The following FTCDNL1 variants were observed in gnomAD, a reference collection of about 807,000 sequenced individuals.
FTCDNL1 encodes the protein formiminotransferase N-terminal subdomain-containing protein.
A neutral mutation model predicts 5.9 loss-of-function variants in FTCDNL1; 11 were observed. That is an observed-to-expected ratio of 1.87 (90% CI 1.18 to 3.10). The LOEUF (loss-of-function observed/expected upper bound fraction) is 3.10, where lower values mean the gene tolerates loss of function less well. FTCDNL1 is among the 30% of genes most tolerant of loss of function. The pLI, the probability that FTCDNL1 is intolerant of heterozygous loss-of-function variation, is 0.00. For missense variants in FTCDNL1, 115 were observed against 65.5 expected (o/e 1.76, Z -2.61); for synonymous variants, 58 against 24.8 (o/e 2.34, Z -3.99).
chr2:199,747,298 C>A, the FTCDNL1 span, among the ~76,000 whole-genome samples: 1 of 152,112 alleles, frequency 6.6e-6, no homozygotes, highest in Non-Finnish European at 1.5e-5. Context: ...CTTCCCCACC[C>A]CAGGTCAGAT....
chr2:199,755,304 T>A, the FTCDNL1 span, among the ~76,000 whole-genome samples: 1 of 152,200 alleles, frequency 6.6e-6, no homozygotes, highest in African/African-American at 2.4e-5. Flanking sequence ...ACCTCACTAT[T>A]AAGCTACCCA....
chr2:199,665,073 T>C, the FTCDNL1 span, among the ~76,000 whole-genome samples: 120 of 152,376 alleles, frequency 7.9e-4, no homozygotes, highest in African/African-American at 2.6e-3. Context: ...TTATGTTAAC[T>C]GATAAGAATA....
the FTCDNL1 span, among the ~76,000 whole-genome samples, chr2:199,688,571 G>A: frequency 6.6e-6 from 1 of 152,132 alleles, no homozygotes; most frequent in Admixed American, 6.5e-5. Context: ...CAGTTCACAG[G>A]GAAAAGTGGA....
chr2:199,849,052 T>C (rs1262237776), intron 1 of FTCDNL1, 83 bp from the exon 2 acceptor site: 1 of 648,944 alleles, frequency 1.5e-6, no homozygotes, highest in Non-Finnish European at 2.7e-6. Context: ...CATAACTTTT[T>C]GGAAACGAAG....
the FTCDNL1 span, among the ~76,000 whole-genome samples, chr2:199,721,860 A>G: frequency 2.6e-5 from 4 of 152,182 alleles, no homozygotes; most frequent in Non-Finnish European, 5.9e-5. Context: ...TTTGATTTGC[A>G]TTTCAATATC....
At chr2:199,784,031 C>T (rs1319757212) in intron 3 of FTCDNL1, among the ~76,000 whole-genome samples, 1 of 152,118 alleles carries the variant, frequency 6.6e-6, no homozygotes, top group African/African-American at 2.4e-5. Flanking sequence ...AGGCCCTAAC[C>T]TCAGGGTAGC....
intron 3 of FTCDNL1, among the ~76,000 whole-genome samples, chr2:199,821,944 C>A (rs889665143): frequency 2.0e-5 from 3 of 152,028 alleles, no homozygotes; most frequent in Non-Finnish European, 2.9e-5. Context: ...GATTCCAGAC[C>A]ACAGCAATAA....
chr2:199,733,060 T>C, the FTCDNL1 span, among the ~76,000 whole-genome samples: 24 of 152,096 alleles, frequency 1.6e-4, no homozygotes, highest in Admixed American at 2.6e-4. Context: ...AGCTGACAGG[T>C]ACAGACTATT....
the FTCDNL1 span, among the ~76,000 whole-genome samples, chr2:199,723,811 T>A: frequency 3.3e-5 from 5 of 152,314 alleles, no homozygotes; most frequent in Non-Finnish European, 7.3e-5. Context: ...GATTTTTGCA[T>A]CAATGTTCAT....
chr2:199,845,970 A>AG, intron 3 of FTCDNL1, 105 bp downstream of exon 3: 1 of 527,416 alleles, frequency 1.9e-6, no homozygotes, highest in East Asian at 2.9e-5. Flanking sequence ...TACTTAATAG[A>AG]GGGGAGTATT....
At chr2:199,809,112 T>C (rs1700886191), downstream of FTCDNL1, among the ~76,000 whole-genome samples, 1 of 152,220 alleles carries the variant, frequency 6.6e-6, no homozygotes, top group Non-Finnish European at 1.5e-5. Context: ...TCCATCTTCG[T>C]TGTAATCATA....
the FTCDNL1 span, among the ~76,000 whole-genome samples, chr2:199,737,702 C>T: frequency 6.6e-6 from 1 of 152,134 alleles, no homozygotes; most frequent in Non-Finnish European, 1.5e-5. Flanking sequence ...TCATAGGTCC[C>T]GCACTTAGAA....
the FTCDNL1 span, among the ~76,000 whole-genome samples, chr2:199,701,825 A>G: frequency 1.3e-5 from 2 of 152,326 alleles, no homozygotes; most frequent in Admixed American, 1.3e-4. Context: ...ACTCGAGGCC[A>G]GGAATTTGAG....
chr2:199,703,887 G>T, the FTCDNL1 span, among the ~76,000 whole-genome samples: 1 of 152,118 alleles, frequency 6.6e-6, no homozygotes, highest in Non-Finnish European at 1.5e-5. Context: ...GAGCTAAAAT[G>T]ATAGAATTAC....
At chr2:199,745,079 T>C in the FTCDNL1 span, among the ~76,000 whole-genome samples, 1 of 152,330 alleles carries the variant, frequency 6.6e-6, no homozygotes, top group Non-Finnish European at 1.5e-5. Flanking sequence ...CCTGCCATTT[T>C]CCCCACATGT....
intron 3 of FTCDNL1, among the ~76,000 whole-genome samples, chr2:199,802,685 T>G (rs559542399): frequency 1.3e-5 from 2 of 152,332 alleles, no homozygotes; most frequent in African/African-American, 4.8e-5. Context: ...CATCTCCCAA[T>G]GAGTTGGAGC....
downstream of FTCDNL1, among the ~76,000 whole-genome samples, chr2:199,804,286 A>G (rs545093393): frequency 1.3e-5 from 2 of 152,318 alleles, no homozygotes; most frequent in East Asian, 3.9e-4. Flanking sequence ...GAAAAAGTTG[A>G]TAGCGTGGTA....
the FTCDNL1 span, among the ~76,000 whole-genome samples, chr2:199,734,118 T>C: frequency 2.6e-5 from 4 of 152,178 alleles, no homozygotes; most frequent in Non-Finnish European, 4.4e-5. Context: ...AGGTAAGATC[T>C]AGAGGGTGTT....
chr2:199,760,009 A>C (rs115081897), downstream of FTCDNL1, among the ~76,000 whole-genome samples: 532 of 152,298 alleles, frequency 3.5e-3, 11 homozygotes, highest in African/African-American at 0.013. Flanking sequence ...TTCTAACAGG[A>C]AAAGTAGGGA....
Sources: allele counts gnomAD v4.1 joint callset (sites outside exome capture counted in the v4.1 genomes callset), GRCh38; gene constraint gnomAD v4.1.1; transcripts MANE v1.5; gene names NCBI Gene and HGNC (gene_info 2026-07-23, HGNC 2026-07-21).